The following NWD2 variants were observed in gnomAD, a reference collection of about 807,000 sequenced individuals.
NWD2 encodes the protein NACHT and WD repeat domain-containing protein 2.
NWD2 carries 37 observed loss-of-function variants against 132.7 expected under a neutral mutation model. That is an observed-to-expected ratio of 0.28 (90% CI 0.21 to 0.37). NWD2 has a LOEUF of 0.37. Among genes scored for constraint, NWD2 ranks in the 10% least tolerant of loss-of-function variants. The pLI is 1.00. For synonymous variants in NWD2, 705 were observed against 803.0 expected (o/e 0.88, Z 2.06); for missense variants, 1,592 against 2,122.4 (o/e 0.75, Z 4.91).
chr4:37,314,713 G>A (rs575869622), intron 1 of NWD2, among the ~76,000 whole-genome samples: 9 of 152,138 alleles, frequency 5.9e-5, no homozygotes, highest in Non-Finnish European at 1.0e-4. Flanking sequence ...GATCTTTCAA[G>A]GAACCAACTT....
chr4:37,271,340 C>G (rs370037922), intron 1 of NWD2, among the ~76,000 whole-genome samples: 1 of 151,778 alleles, frequency 6.6e-6, no homozygotes, highest in Non-Finnish European at 1.5e-5. Flanking sequence ...GGTTGATATC[C>G]AAATAATATT....
At position 37,445,470 on chromosome 4, in the gene NWD2, A is replaced by G; in HGVS notation, c.3482A>G (p.Asp1161Gly). ...LDTAQEMVMV[D>G]SEGSLSVWNT... ...ACAGCTCAGGAAATGGTCATGGTAG[A>G]CAGTGAAGGAAGTCTTTCTGTTTGG... Residue 1161 changes from aspartate to glycine, a missense_variant, in exon 7 of 7, where the codon GAC (aspartate) becomes GGC (glycine). Coordinates refer to ENST00000309447, the MANE Select transcript of NWD2 (RefSeq NM_001144990.2). The surrounding 1 kb of genome is among the most constrained non-coding windows in gnomAD (Gnocchi z 4.7). 6.4e-7 allele frequency: 1 copy of G among 1,551,830 alleles called. No homozygotes were observed. Among genetic ancestry groups the G allele is most frequent in the Non-Finnish European group, 8.7e-7 (1 of 1,147,032 alleles).
At chr4:37,437,289 C>A (rs561596079) in intron 5 of NWD2, among the ~76,000 whole-genome samples, 62 of 152,254 alleles carry the variant, frequency 4.1e-4, no homozygotes, top group African/African-American at 1.5e-3. Flanking sequence ...ACTTCCCGCT[C>A]ACAGATGGCT....
At chr4:37,245,292 C>G (rs2109252466) in intron 1 of NWD2, 74 bp downstream of exon 1, 3 of 1,434,794 alleles carry the variant, frequency 2.1e-6, no homozygotes, top group Non-Finnish European at 2.8e-6. Flanking sequence ...AGTGTGTGTC[C>G]GCCCCACAGC....
intron 1 of NWD2, among the ~76,000 whole-genome samples, chr4:37,319,011 G>A (rs1320862894): frequency 6.6e-6 from 1 of 152,044 alleles, no homozygotes; most frequent in Non-Finnish European, 1.5e-5. Flanking sequence ...GGGATTGCTG[G>A]GTCAAATGGT....
chr4:37,249,967 C>T (rs1717319016), intron 1 of NWD2, among the ~76,000 whole-genome samples: 1 of 152,162 alleles, frequency 6.6e-6, no homozygotes, highest in Non-Finnish European at 1.5e-5. Flanking sequence ...AACTAGTGCT[C>T]AATTGCTTGA....
intron 3 of NWD2, among the ~76,000 whole-genome samples, chr4:37,365,827 AT>A (rs1477289535): frequency 5.3e-5 from 8 of 152,194 alleles, no homozygotes; most frequent in Non-Finnish European, 1.0e-4. Flanking sequence ...GTAAGAAAGC[AT>A]TTTTTTATGA....
chr4:37,433,586 T>G (rs1322721647), intron 4 of NWD2, among the ~76,000 whole-genome samples: 1 of 152,192 alleles, frequency 6.6e-6, no homozygotes, highest in Non-Finnish European at 1.5e-5. Flanking sequence ...GATTATTTTC[T>G]TATGGCATTT....
chr4:37,442,129 C>A (rs79220681), intron 6 of NWD2, among the ~76,000 whole-genome samples: 2,461 of 152,276 alleles, frequency 0.016, 64 homozygotes, highest in African/African-American at 0.056. Flanking sequence ...ATAAAACTGA[C>A]CTCCATAAAT....
At chr4:37,345,742 T>C (rs1386785067) in intron 2 of NWD2, among the ~76,000 whole-genome samples, 3 of 152,196 alleles carry the variant, frequency 2.0e-5, no homozygotes, top group African/African-American at 7.2e-5. Flanking sequence ...TTGCTTGTAT[T>C]TTTAGCATAA....
intron 1 of NWD2, among the ~76,000 whole-genome samples, chr4:37,288,090 C>T (rs1290554558): frequency 6.6e-6 from 1 of 152,060 alleles, no homozygotes; most frequent in African/African-American, 2.4e-5. Context: ...TGTTCTCACT[C>T]GTAAGTGAGA....
At chr4:37,353,135 A>G (rs1256608561) in intron 2 of NWD2, among the ~76,000 whole-genome samples, 1 of 152,152 alleles carries the variant, frequency 6.6e-6, no homozygotes, top group Non-Finnish European at 1.5e-5. Flanking sequence ...TGGATATGAA[A>G]TTCTGGGTTG....
intron 1 of NWD2, among the ~76,000 whole-genome samples, chr4:37,285,940 T>C (rs1295510137): frequency 6.6e-6 from 1 of 152,218 alleles, no homozygotes; most frequent in Non-Finnish European, 1.5e-5. Context: ...TCATCAGATA[T>C]GTGTGAAAAT....
intron 3 of NWD2, among the ~76,000 whole-genome samples, chr4:37,375,986 G>T (rs36009479): frequency 0.25 from 38,245 of 151,744 alleles, 5,059 homozygotes; most frequent in South Asian, 0.35. Flanking sequence ...TTTAATAAGT[G>T]TATGATATTC....
intron 1 of NWD2, among the ~76,000 whole-genome samples, chr4:37,316,764 G>T (rs560225850): frequency 2.6e-5 from 4 of 151,940 alleles, no homozygotes; most frequent in Non-Finnish European, 4.4e-5. Context: ...GACAATTTCC[G>T]TTGACATTTT....
intron 3 of NWD2, among the ~76,000 whole-genome samples, chr4:37,371,414 A>G (rs1375686958): frequency 2.0e-5 from 3 of 152,184 alleles, no homozygotes; most frequent in Admixed American, 6.5e-5. Flanking sequence ...CATCTTTCTT[A>G]TTAATCATAA....
At chr4:37,249,375 T>G (rs1050740746) in intron 1 of NWD2, among the ~76,000 whole-genome samples, 1 of 152,200 alleles carries the variant, frequency 6.6e-6, no homozygotes, top group Non-Finnish European at 1.5e-5. Context: ...TGGTTTTAAC[T>G]CTGGGCAAGG....
chr4:37,271,302 C>T (rs1357361678), intron 1 of NWD2, among the ~76,000 whole-genome samples: 1 of 151,760 alleles, frequency 6.6e-6, no homozygotes, highest in Non-Finnish European at 1.5e-5. Context: ...ATTGGGATTC[C>T]ATTAAATCTG....
chr4:37,329,179 A>G (rs1719237347), intron 2 of NWD2, among the ~76,000 whole-genome samples: 1 of 152,046 alleles, frequency 6.6e-6, no homozygotes, highest in Non-Finnish European at 1.5e-5. Context: ...AACTCCCGAT[A>G]ATCCATCCAG....
Sources: allele counts gnomAD v4.1 joint callset (sites outside exome capture counted in the v4.1 genomes callset), GRCh38; gene constraint gnomAD v4.1.1; non-coding constraint Gnocchi (gnomAD v3.1); transcripts MANE v1.5; gene names NCBI Gene and HGNC (gene_info 2026-07-23, HGNC 2026-07-21).